The following ZNF609 variants were observed in gnomAD, a reference collection of about 807,000 sequenced individuals.
The protein encoded by ZNF609 is zinc finger protein 609.
Under a neutral mutation model 109.5 loss-of-function variants are expected in ZNF609, and 11 were observed. That is an observed-to-expected ratio of 0.10 (90% confidence interval 0.06 to 0.17). The LOEUF is 0.17. Among genes scored for constraint, ZNF609 ranks in the 10% least tolerant of loss-of-function variants. ZNF609 has a pLI of 1.00. For synonymous variants in ZNF609, 646 were observed against 662.0 expected (o/e 0.98, Z 0.37); for missense variants, 1,559 against 1,772.4 (o/e 0.88, Z 2.16).
At chr15:64,657,521 G>C (rs530611838) in intron 3 of ZNF609, among the ~76,000 whole-genome samples, 1 of 152,144 alleles carries the variant, frequency 6.6e-6, no homozygotes, top group Admixed American at 6.5e-5. Flanking sequence ...GGCTGAGGCA[G>C]GAGAATCACT....
At position 64,622,809 on chromosome 15, in the gene ZNF609, T is replaced by C. The variant is rs1362652938; in HGVS notation, c.748-18T>C. ...GTTCTCCCTGCAACTCAGCTACTAC[T>C]TTTTCTTCCCTCCACAGATGGAGTC... On this transcript the variant is annotated intron_variant, in intron 2 of 9. Transcript: ENST00000326648. The C allele has an allele frequency of 6.2e-7, 1 of 1,610,028 alleles. No individual in the cohort carries two copies. The highest frequency in any genetic ancestry group is 8.5e-7 in the Non-Finnish European group (1 of 1,176,230).
chr15:64,565,801 A>T (rs747161838), intron 2 of ZNF609, among the ~76,000 whole-genome samples: 6 of 152,186 alleles, frequency 3.9e-5, no homozygotes, highest in Non-Finnish European at 2.9e-5. Flanking sequence ...ACACTGACCT[A>T]TACATTCATT....
At chr15:64,498,064 A>G (rs1165596218) in intron 1 of ZNF609, among the ~76,000 whole-genome samples, 1 of 152,050 alleles carries the variant, frequency 6.6e-6, no homozygotes, top group East Asian at 1.9e-4. Flanking sequence ...GTCAGGAGAT[A>G]GTGGAGACAG....
At chr15:64,622,458 A>G (rs1309716948) in intron 2 of ZNF609, among the ~76,000 whole-genome samples, 1 of 152,204 alleles carries the variant, frequency 6.6e-6, no homozygotes, top group East Asian at 1.9e-4. Flanking sequence ...CTTTCTCATC[A>G]GTCTGTGTGC....
chr15:64,679,113 C>T (rs1896845787), intron 6 of ZNF609, among the ~76,000 whole-genome samples: 1 of 152,198 alleles, frequency 6.6e-6, no homozygotes, highest in East Asian at 1.9e-4. Context: ...ACTCTTGTTG[C>T]ACAGGCTAGA....
At chr15:64,582,599 CTG>C (rs1895123047) in intron 2 of ZNF609, among the ~76,000 whole-genome samples, 2 of 152,084 alleles carry the variant, frequency 1.3e-5, no homozygotes, top group Admixed American at 1.3e-4. Context: ...ATGCCTGTAT[CTG>C]TGTGTCTACA....
At chr15:64,539,234 G>T (rs960938051) in intron 2 of ZNF609, among the ~76,000 whole-genome samples, 2 of 149,928 alleles carry the variant, frequency 1.3e-5, no homozygotes, top group Admixed American at 1.3e-4. Context: ...TTGAGATGGA[G>T]TCTCACTCTG....
At chr15:64,479,103 G>A (rs1893212522) in intron 1 of ZNF609, among the ~76,000 whole-genome samples, 1 of 151,968 alleles carries the variant, frequency 6.6e-6, no homozygotes, top group African/African-American at 2.4e-5. Flanking sequence ...TTTCAGATGA[G>A]TTTCGTAACA....
At chr15:64,504,150 G>T (rs548568465) in intron 2 of ZNF609, among the ~76,000 whole-genome samples, 1 of 152,312 alleles carries the variant, frequency 6.6e-6, no homozygotes, top group Admixed American at 6.5e-5. Context: ...ACATTAAAAA[G>T]AAGTTGATAT....
chr15:64,610,658 A>AT (rs903205041), intron 2 of ZNF609, among the ~76,000 whole-genome samples: 8 of 151,626 alleles, frequency 5.3e-5, no homozygotes, highest in African/African-American at 1.9e-4. Flanking sequence ...TAAAATAATA[A>AT]TTTTTTTTTA....
intron 1 of ZNF609, among the ~76,000 whole-genome samples, chr15:64,485,813 A>G (rs1893324313): frequency 6.6e-6 from 1 of 152,120 alleles, no homozygotes; most frequent in Non-Finnish European, 1.5e-5. Flanking sequence ...TAGTAATAAT[A>G]ATGCAGAGGG....
rs760373784 is a variant in ZNF609, at chr15:64,674,576, C to T, written c.1722C>T (p.Pro574=). The stretch of plus-strand genomic sequence containing the variant: ...CCCCCAAAGTTCGACTTGTAGAGCC[C>T]CATAGCCCTTCTCCTTCAAGCAAAT... ...SATPKVRLVE[P]HSPSPSSKFS... The change falls in exon 5 of 10, where the codon CCC becomes CCT. Residue 574 remains proline, a synonymous_variant. Coordinates refer to ENST00000326648, the MANE Select transcript of ZNF609 (RefSeq NM_015042.2). The T allele has an allele frequency of 1.4e-5, 22 of 1,613,954 alleles. No homozygotes were observed. Among genetic ancestry groups the T allele is most frequent in the Non-Finnish European group, 1.9e-5 (22 of 1,180,016 alleles).
At chr15:64,562,334 G>C (rs1374389973) in intron 2 of ZNF609, among the ~76,000 whole-genome samples, 1 of 152,188 alleles carries the variant, frequency 6.6e-6, no homozygotes, top group Non-Finnish European at 1.5e-5. Context: ...AATTTCTCTT[G>C]ATAATCTCAC....
At chr15:64,554,090 C>T (rs750279602) in intron 2 of ZNF609, among the ~76,000 whole-genome samples, 2 of 152,120 alleles carry the variant, frequency 1.3e-5, no homozygotes, top group Non-Finnish European at 2.9e-5. Flanking sequence ...TTATTGAACT[C>T]AATAGAACCT....
intron 2 of ZNF609, among the ~76,000 whole-genome samples, chr15:64,578,932 G>A (rs1460842828): frequency 1.3e-5 from 2 of 152,092 alleles, no homozygotes; most frequent in Non-Finnish European, 2.9e-5. Context: ...AGCCCAAGAG[G>A]TTGAGGCTGC....
At chr15:64,659,568 G>A (rs1486077681) in intron 3 of ZNF609, among the ~76,000 whole-genome samples, 3 of 152,110 alleles carry the variant, frequency 2.0e-5, no homozygotes, top group African/African-American at 7.2e-5. Context: ...AGCCAAAGAG[G>A]AGACCGAGAA....
chr15:64,645,101 C>CCCTCCCTCCCTCCCTT (rs1896316241), intron 3 of ZNF609, among the ~76,000 whole-genome samples: 1 of 75,786 alleles, frequency 1.3e-5, no homozygotes, highest in African/African-American at 4.6e-5. Flanking sequence ...CTCCCTCCCT[C>CCCTCCCTCCCTCCCTT]CCTCCCTTCC....
At chr15:64,466,577 G>A (rs768627507) in intron 1 of ZNF609, among the ~76,000 whole-genome samples, 8 of 152,228 alleles carry the variant, frequency 5.3e-5, no homozygotes, top group African/African-American at 7.2e-5. Context: ...ATGGAGCACT[G>A]CATAGATGGG....
intron 4 of ZNF609, among the ~76,000 whole-genome samples, chr15:64,670,871 C>T (rs1305429604): frequency 1.4e-5 from 2 of 139,264 alleles, no homozygotes; most frequent in Non-Finnish European, 3.1e-5. Context: ...AAAAGCGAAA[C>T]TCCATCTCAA....
Sources: allele counts gnomAD v4.1 joint callset (sites outside exome capture counted in the v4.1 genomes callset), GRCh38; gene constraint gnomAD v4.1.1; transcripts MANE v1.5; gene names NCBI Gene and HGNC (gene_info 2026-07-23, HGNC 2026-07-21).